The following STXBP5L variants were observed in gnomAD, a reference collection of about 807,000 sequenced individuals.
STXBP5L encodes syntaxin binding protein 5L, also known as syntaxin-binding protein 5-like.
In STXBP5L, 65 loss-of-function variants were observed where a neutral mutation model predicts 144.5. The observed-to-expected ratio is 0.45, with a 90% confidence interval of 0.37 to 0.55. STXBP5L has a LOEUF of 0.55. STXBP5L is among the 20% of genes least tolerant of loss of function. The pLI, the probability that STXBP5L is intolerant of heterozygous loss-of-function variation, is 0.00. For missense variants in STXBP5L, 1,298 were observed against 1,405.5 expected (o/e 0.92, Z 1.22); for synonymous variants, 505 against 469.6 (o/e 1.08, Z -0.97).
At chr3:120,998,971 A>G (rs1332278160) in intron 3 of STXBP5L, among the ~76,000 whole-genome samples, 8 of 152,130 alleles carry the variant, frequency 5.3e-5, no homozygotes. Flanking sequence ...TTCATTGTTT[A>G]CTCAAAAATC....
At chr3:120,998,631 T>A (rs1943538931) in intron 3 of STXBP5L, among the ~76,000 whole-genome samples, 1 of 152,122 alleles carries the variant, frequency 6.6e-6, no homozygotes, top group Non-Finnish European at 1.5e-5. Context: ...GAACACGTGG[T>A]GTTTGGTTTT....
At chr3:121,347,513 A>C (rs1307294829) in intron 20 of STXBP5L, among the ~76,000 whole-genome samples, 1 of 152,152 alleles carries the variant, frequency 6.6e-6, no homozygotes, top group Non-Finnish European at 1.5e-5. Flanking sequence ...TGGTAACTTG[A>C]TGGGGATGGC....
chr3:121,317,859 A>T (rs1365707743), intron 19 of STXBP5L, among the ~76,000 whole-genome samples: 1 of 152,074 alleles, frequency 6.6e-6, no homozygotes, highest in African/African-American at 2.4e-5. Context: ...CACAGTATGT[A>T]ATATACAATA....
At chr3:120,975,177 A>C (rs1940807761) in intron 3 of STXBP5L, among the ~76,000 whole-genome samples, 1 of 152,194 alleles carries the variant, frequency 6.6e-6, no homozygotes, top group Non-Finnish European at 1.5e-5. Flanking sequence ...ACTCATGAGC[A>C]TGGAATATTC....
chr3:121,143,568 A>G (rs1212718979), intron 7 of STXBP5L, among the ~76,000 whole-genome samples: 1 of 151,878 alleles, frequency 6.6e-6, no homozygotes, highest in Non-Finnish European at 1.5e-5. Context: ...TTACAAGGCT[A>G]CAATAATTAA....
At chr3:120,961,120 G>A (rs943173223) in intron 3 of STXBP5L, among the ~76,000 whole-genome samples, 9 of 151,068 alleles carry the variant, frequency 6.0e-5, no homozygotes, top group Non-Finnish European at 1.0e-4. Flanking sequence ...ATAGTTGTTC[G>A]TAATAGTTTC....
intron 19 of STXBP5L, among the ~76,000 whole-genome samples, chr3:121,300,866 G>T (rs1341656948): frequency 6.6e-6 from 1 of 152,014 alleles, no homozygotes; most frequent in Admixed American, 6.6e-5. Flanking sequence ...GGATTAAAAA[G>T]AAACAAATAT....
intron 3 of STXBP5L, among the ~76,000 whole-genome samples, chr3:120,987,793 A>T (rs1304087351): frequency 6.6e-6 from 1 of 151,722 alleles, no homozygotes; most frequent in Non-Finnish European, 1.5e-5. Flanking sequence ...TGATTTTGTT[A>T]TCTGGGTAAT....
At chr3:121,079,076 C>T (rs759096815) in intron 5 of STXBP5L, among the ~76,000 whole-genome samples, 10 of 152,228 alleles carry the variant, frequency 6.6e-5, no homozygotes, top group Non-Finnish European at 1.0e-4. Flanking sequence ...GCGCCCAGAG[C>T]GAGTGAGGGC....
chr3:121,088,347 A>T (rs570068592), intron 5 of STXBP5L, among the ~76,000 whole-genome samples: 1 of 115,386 alleles, frequency 8.7e-6, no homozygotes, highest in African/African-American at 3.4e-5. Flanking sequence ...AGAAATGCTC[A>T]TCATCACTGG....
intron 3 of STXBP5L, among the ~76,000 whole-genome samples, chr3:121,003,767 A>G (rs13321309): frequency 0.099 from 15,074 of 152,028 alleles, 1,139 homozygotes; most frequent in Admixed American, 0.2. Context: ...AGCTTTCTAC[A>G]TATGGCTAGG....
In STXBP5L at chr3:121,378,889, A is replaced by G. The variant is rs1334047222; in HGVS notation, c.2347+3A>G. The G allele has an allele frequency of 6.2e-7, 1 of 1,603,580 alleles. No homozygotes were observed. The highest frequency in any genetic ancestry group is 1.7e-5 in the Admixed American group (1 of 58,136). ...TTCTTTACCAGTTACAACAGAAGGT[A>G]TGTTAAACATATTAAATTTTTTTGT... On this transcript the variant is annotated splice_donor_region_variant and intron_variant, in intron 21 of 26. Coordinates refer to ENST00000471454, the MANE Select transcript of STXBP5L (RefSeq NM_001308330.2).
At chr3:121,297,836 GA>G (rs1419865226) in intron 19 of STXBP5L, among the ~76,000 whole-genome samples, 1 of 152,098 alleles carries the variant, frequency 6.6e-6, no homozygotes, top group Non-Finnish European at 1.5e-5. Flanking sequence ...GTGAAACGCT[GA>G]AAAAGAACCA....
intron 8 of STXBP5L, among the ~76,000 whole-genome samples, chr3:121,154,606 C>T (rs940051031): frequency 1.3e-5 from 2 of 151,704 alleles, no homozygotes; most frequent in Non-Finnish European, 3.0e-5. Flanking sequence ...TTTCTTCTCT[C>T]TCTAATTTAT....
At chr3:121,174,856 A>G (rs531216948) in intron 9 of STXBP5L, among the ~76,000 whole-genome samples, 2 of 152,194 alleles carry the variant, frequency 1.3e-5, no homozygotes, top group African/African-American at 4.8e-5. Context: ...TATTTTATTG[A>G]CAAAAGCCTG....
intron 18 of STXBP5L, among the ~76,000 whole-genome samples, chr3:121,259,444 T>C (rs2050315873): frequency 6.6e-6 from 1 of 152,104 alleles, no homozygotes; most frequent in East Asian, 1.9e-4. Flanking sequence ...TATTGTCTTT[T>C]TTTCTCTTTA....
At chr3:121,108,092 T>A (rs921205263) in intron 5 of STXBP5L, among the ~76,000 whole-genome samples, 2 of 152,250 alleles carry the variant, frequency 1.3e-5, no homozygotes, top group Non-Finnish European at 2.9e-5. Flanking sequence ...AAGTTGCTTA[T>A]CAGCTTAAGA....
intron 22 of STXBP5L, among the ~76,000 whole-genome samples, chr3:121,406,149 T>A (rs1467895976): frequency 1.3e-5 from 2 of 152,028 alleles, no homozygotes; most frequent in Non-Finnish European, 2.9e-5. Context: ...ACCCTTAAAC[T>A]GCAGCACCTA....
In STXBP5L at chr3:121,420,374, T is replaced by C. The variant is rs1279621812; in HGVS notation, c.*1277T>C. 6.7e-6 allele frequency: 1 copy of C among 149,300 alleles called. No homozygotes were observed. Among genetic ancestry groups the C allele is most frequent in the Non-Finnish European group, 1.5e-5 (1 of 66,426 alleles). The allele number at this position is 149,300 out of a possible 1,614,324, so 9.2% of individuals were successfully genotyped here. ...AGACAATAGAAATACATAAAGAGTT[T>C]AATGATACAAAATCAATGCTTTTGT... On this transcript the variant is annotated 3_prime_UTR_variant, in exon 27 of 27. Transcript: ENST00000471454.
Sources: gnomAD v4.1 joint callset for allele counts (sites outside exome capture counted in the v4.1 genomes callset) on GRCh38, gnomAD v4.1.1 for gene constraint, MANE v1.5 for transcripts, NCBI Gene and HGNC (gene_info 2026-07-23, HGNC 2026-07-21) for gene names.